Variants in PTPRN2 observed in about 807,000 individuals in gnomAD.
PTPRN2 encodes the protein protein tyrosine phosphatase receptor type N2, also known as receptor-type tyrosine-protein phosphatase N2.
Under a neutral mutation model 118.8 loss-of-function variants are expected in PTPRN2, and 74 were observed. The observed-to-expected ratio is 0.62, with a 90% confidence interval of 0.52 to 0.76. PTPRN2 has a LOEUF of 0.76. PTPRN2 is among the 30% of genes least tolerant of loss of function. The pLI is 0.00. For missense variants in PTPRN2, 1,481 were observed against 1,394.4 expected (o/e 1.06, Z -0.99); for synonymous variants, 641 against 608.0 (o/e 1.05, Z -0.80).
chr7:157,593,923 G>A (rs1158429700), intron 17 of PTPRN2, among the ~76,000 whole-genome samples: 7 of 152,202 alleles, frequency 4.6e-5, no homozygotes, highest in Non-Finnish European at 1.5e-5. Context: ...ACACAGAGAT[G>A]CAGTTTAGTT....
At chr7:157,689,037 C>T (rs1797336412) in intron 12 of PTPRN2, among the ~76,000 whole-genome samples, 1 of 152,210 alleles carries the variant, frequency 6.6e-6, no homozygotes, top group Non-Finnish European at 1.5e-5. Flanking sequence ...ACCAAGGTCC[C>T]CAACCACGCC....
chr7:158,095,401 G>A (rs1814550680), intron 10 of PTPRN2, among the ~76,000 whole-genome samples: 1 of 151,878 alleles, frequency 6.6e-6, no homozygotes, highest in South Asian at 2.1e-4. Context: ...CTTTAATAAT[G>A]TATCTGGAAA....
intron 3 of PTPRN2, among the ~76,000 whole-genome samples, chr7:158,261,911 G>A (rs1021648052): frequency 1.8e-4 from 28 of 152,332 alleles, no homozygotes; most frequent in African/African-American, 6.7e-4. Flanking sequence ...GCTCAGGAGG[G>A]AGGAATCTAG....
intron 10 of PTPRN2, among the ~76,000 whole-genome samples, chr7:158,091,950 G>A (rs1312782043): frequency 2.7e-5 from 2 of 74,580 alleles, no homozygotes; most frequent in Non-Finnish European, 5.3e-5. Context: ...GTGAGGGATC[G>A]GTGATAGATG....
chr7:158,331,186 A>C (rs71545593), intron 2 of PTPRN2, among the ~76,000 whole-genome samples: 437 of 7,856 alleles, frequency 0.056, no homozygotes, highest in Admixed American at 0.068. Flanking sequence ...GAGCTGTCAC[A>C]CGCAGACGTC....
chr7:157,815,828 G>A (rs1395271170), intron 12 of PTPRN2, among the ~76,000 whole-genome samples: 2 of 152,222 alleles, frequency 1.3e-5, no homozygotes, highest in African/African-American at 4.8e-5. Flanking sequence ...AGGCTAAGCA[G>A]TGCACACTGT....
At chr7:158,390,100 GCCC>G in intron 2 of PTPRN2, among the ~76,000 whole-genome samples, 1 of 152,296 alleles carries the variant, frequency 6.6e-6, no homozygotes, top group African/African-American at 2.4e-5. Flanking sequence ...TCTTCTTTGT[GCCC>G]CAGCTCCATC....
rs112254771 is a variant in PTPRN2, at chr7:157,674,459, G to A, written c.2001+8266C>T. 1.3e-5 allele frequency among the ~76,000 whole-genome samples: 2 copies of A among 152,200 alleles called. No individual in the cohort carries two copies. The highest frequency in any genetic ancestry group is 2.4e-5 in the African/African-American group (1 of 41,450). On this transcript the variant is annotated intron_variant, in intron 13 of 22. Coordinates refer to ENST00000389418, the MANE Select transcript of PTPRN2 (RefSeq NM_002847.5). This position sits in a 1 kb window ranked among gnomAD's most constrained non-coding sequence, Gnocchi z 4.5. Reference sequence around the variant, plus strand: ...GCTTTTCCCGAAGCTTTCTCCTCTTGTAACACCCAGCTCCTGCATGCCGTG... The same window carrying A: ...GCTTTTCCCGAAGCTTTCTCCTCTTATAACACCCAGCTCCTGCATGCCGTG...
At chr7:157,675,315 G>T (rs1049088382) in intron 13 of PTPRN2, among the ~76,000 whole-genome samples, 1 of 152,170 alleles carries the variant, frequency 6.6e-6, no homozygotes, top group African/African-American at 2.4e-5. Context: ...CCCTTGGGCT[G>T]GGAGGTGAGG....
chr7:157,656,821 A>G (rs1169943381), intron 13 of PTPRN2, among the ~76,000 whole-genome samples: 1 of 59,354 alleles, frequency 1.7e-5, no homozygotes, highest in East Asian at 5.5e-4. Flanking sequence ...ACACACATAC[A>G]CACACACATA....
chr7:158,553,582 C>T (rs1826799747), intron 1 of PTPRN2, among the ~76,000 whole-genome samples: 1 of 151,454 alleles, frequency 6.6e-6, no homozygotes, highest in Admixed American at 6.6e-5. Flanking sequence ...TTATACCACC[C>T]TCCTTGTCTA....
chr7:158,086,165 G>A (rs1016266912), intron 10 of PTPRN2, among the ~76,000 whole-genome samples: 5 of 152,162 alleles, frequency 3.3e-5, no homozygotes, highest in Admixed American at 1.3e-4. Flanking sequence ...AGAAATTCCA[G>A]GGGCCAATTT....
intron 2 of PTPRN2, among the ~76,000 whole-genome samples, chr7:158,445,470 G>A (rs1660233196): frequency 6.6e-6 from 1 of 152,216 alleles, no homozygotes; most frequent in South Asian, 2.1e-4. Context: ...ACCCCAAGGA[G>A]GCTCCTTGGC....
chr7:158,433,917 T>G (rs1031242104), intron 2 of PTPRN2, among the ~76,000 whole-genome samples: 5 of 152,340 alleles, frequency 3.3e-5, no homozygotes, highest in African/African-American at 9.6e-5. Context: ...TATTTTCAGA[T>G]TTCTATTGAC....
rs190113755 is a variant in PTPRN2 at position 158,441,095 on chromosome 7, A to G, written c.163+48640T>C. ...TGATGGTGGTGCTGGTGGTAGTGAT[A>G]GGGGTGGTAGTGATGGTGATGGTGA... On this transcript the variant is annotated intron_variant, in intron 2 of 22. Transcript: ENST00000389418. Among the ~76,000 whole-genome samples, 95 of 132,938 alleles carry G rather than the reference A, an allele frequency of 7.1e-4. 5 individuals carry two copies. The highest frequency in any genetic ancestry group is 2.7e-3 in the African/African-American group (86 of 31,502). 87.2% of individuals were successfully genotyped at this position (132,938 alleles called of 152,430 possible).
rs1028901332 is a variant in PTPRN2, at chr7:157,977,067, T to C, written c.1724-78330A>G. On this transcript the variant is annotated intron_variant, in intron 11 of 22. Transcript: ENST00000389418. This position sits in a 1 kb window ranked among gnomAD's most constrained non-coding sequence, Gnocchi z 4.6. ...GTTTCCATGAAAAACTATGAGTAGG[T>C]ATGGAAAATAAAACAGATGCAAGGG... is the stretch of plus-strand genomic sequence containing the variant. Among the ~76,000 whole-genome samples, 8 of 151,906 alleles carry C rather than the reference T, an allele frequency of 5.3e-5. No individual in the cohort carries two copies.
intron 11 of PTPRN2, among the ~76,000 whole-genome samples, chr7:158,074,600 G>A (rs980640766): frequency 3.3e-5 from 5 of 152,154 alleles, no homozygotes; most frequent in African/African-American, 4.8e-5. Context: ...TCAGCCCCTC[G>A]CAGTAGACGT....
At chr7:158,417,432 G>A (rs1814783424) in intron 2 of PTPRN2, among the ~76,000 whole-genome samples, 1 of 150,688 alleles carries the variant, frequency 6.6e-6, no homozygotes, top group South Asian at 2.1e-4. Context: ...ACTACATCGA[G>A]ATGCTGTAGC....
chr7:158,169,482 T>C (rs1391768136), intron 5 of PTPRN2, among the ~76,000 whole-genome samples: 1 of 151,548 alleles, frequency 6.6e-6, no homozygotes, highest in Non-Finnish European at 1.5e-5. Flanking sequence ...GGTTTTACTA[T>C]GTTGGCCAGG....
Sources: gnomAD v4.1 joint callset for allele counts (sites outside exome capture counted in the v4.1 genomes callset) on GRCh38, gnomAD v4.1.1 for gene constraint, Gnocchi (gnomAD v3.1) non-coding constraint, MANE v1.5 for transcripts, NCBI Gene and HGNC (gene_info 2026-07-23, HGNC 2026-07-21) for gene names.